Variants in BRD3 observed in about 807,000 individuals in gnomAD.
The protein encoded by BRD3 is bromodomain containing 3.
Under a neutral mutation model 66.8 loss-of-function variants are expected in BRD3, and 17 were observed. That is an observed-to-expected ratio of 0.25 (90% CI 0.17 to 0.38). BRD3 has a LOEUF of 0.38. BRD3 is among the 10% of genes least tolerant of loss of function. BRD3 has a pLI of 1.00. For missense variants in BRD3, 713 were observed against 956.1 expected, an observed-to-expected ratio of 0.75 and a Z score of 3.35; for synonymous variants, 421 against 393.2, an observed-to-expected ratio of 1.07 and a Z score of -0.84.
Position 134,031,351 on chromosome 9 carries a change from C to T in BRD3, c.*2239G>A, listed in dbSNP as rs1279929159. 2 of 208,220 alleles carry T rather than the reference C, an allele frequency of 9.6e-6. No individual in the cohort carries two copies. Among genetic ancestry groups the T allele is most frequent in the Non-Finnish European group, 2.0e-5 (2 of 102,168 alleles). The allele number at this position is 208,220 out of a possible 1,614,324, so 12.9% of individuals were successfully genotyped here. Reference sequence around the variant, plus strand: ...GGAGCGCCCCCCAGCCCCAGGCACCCCCGGCTTAGGGTGTACGTATCACCC... The same window carrying T: ...GGAGCGCCCCCCAGCCCCAGGCACCTCCGGCTTAGGGTGTACGTATCACCC... On this transcript the variant is annotated 3_prime_UTR_variant, in exon 12 of 12. Coordinates refer to ENST00000303407, the MANE Select transcript of BRD3 (RefSeq NM_007371.4).
At position 134,045,417 on chromosome 9, in the gene BRD3, T is replaced by G; in HGVS notation, c.1091A>C (p.Lys364Thr). The change falls in exon 7 of 12, where the codon AAG (lysine) becomes ACG (threonine). Residue 364 changes from lysine to threonine, a missense_variant. This residue lies in a region of BRD3 where 418 missense variants were observed against 609.3 expected (regional missense o/e 0.69). Coordinates refer to ENST00000303407, the MANE Select transcript of BRD3 (RefSeq NM_007371.4). This position sits in a 1 kb window ranked among gnomAD's most constrained non-coding sequence, Gnocchi z 4.8. ...HPMDLSTVKRKMDGREYPDAQ... is the reference protein window; with the variant it reads ...HPMDLSTVKRTMDGREYPDAQ... ...GTCTGGGTACTCTCGGCCATCCATC[T>G]TCCTCTGCAACACACAGTGACAGGG... is the stretch of plus-strand genomic sequence containing the variant. 1 of 1,613,458 alleles carries G rather than the reference T, an allele frequency of 6.2e-7. No individual in the cohort carries two copies. The highest frequency in any genetic ancestry group is 8.5e-7 in the Non-Finnish European group (1 of 1,179,946).
chr9:134,050,870 C>A (rs1020400903), intron 4 of BRD3, among the ~76,000 whole-genome samples: 11 of 152,172 alleles, frequency 7.2e-5, no homozygotes, highest in African/African-American at 2.7e-4. Flanking sequence ...GCCTGGCAGT[C>A]AAGGGCCACC....
At position 134,032,649 on chromosome 9, in the gene BRD3, G is replaced by GT. The variant is rs1588267984; in HGVS notation, c.*940dup. The GT allele has an allele frequency of 4.4e-6, 1 of 226,908 alleles. No individual in the cohort carries two copies. The highest frequency in any genetic ancestry group is 6.3e-5 in the East Asian group (1 of 15,952). The allele number at this position is 226,908 out of a possible 1,614,324, so 14.1% of individuals were successfully genotyped here. On this transcript the variant is annotated 3_prime_UTR_variant, in exon 12 of 12. Transcript: ENST00000303407. The stretch of plus-strand genomic sequence containing the variant: ...ACTGTGTGAATGCATTTCTTCTGCG[G>GT]TTTTTTCTTATTTTCTTTTTTTTAA...
At chr9:134,051,394 GC>G (rs1830291628) in intron 4 of BRD3, among the ~76,000 whole-genome samples, 167 bp downstream of exon 4, 3 of 152,270 alleles carry the variant, frequency 2.0e-5, no homozygotes, top group South Asian at 4.1e-4. Context: ...CGGGCCAGCT[GC>G]CCCTCCAACA....
At chr9:134,056,773 G>A (rs1830435303) in intron 1 of BRD3, 1 of 152,272 alleles carries the variant, frequency 6.6e-6, no homozygotes, top group Non-Finnish European at 1.5e-5. Context: ...GAGTCCCAGT[G>A]GGGAGGGAGG....
chr9:134,051,695 T>G lies in BRD3; in HGVS notation c.366A>C (p.Ile122=). The change falls in exon 4 of 12, where the codon ATA becomes ATC. Residue 122 remains isoleucine, a synonymous_variant. Transcript: ENST00000303407. ...TCTCTAAAGCTTGGGCCATTAGCAC[T>G]ATGTCATCTGTGGGCTGAAGACACA... is the stretch of plus-strand genomic sequence containing the variant. ...CYIYNKPTDD[I]VLMAQALEKI... 2 of 1,591,288 alleles carry G rather than the reference T, an allele frequency of 1.3e-6. No homozygotes were observed. Among genetic ancestry groups the G allele is most frequent in the Non-Finnish European group, 1.7e-6 (2 of 1,172,398 alleles).
chr9:134,062,823 C>T (rs1003798271), intron 1 of BRD3, among the ~76,000 whole-genome samples: 4 of 152,160 alleles, frequency 2.6e-5, no homozygotes, highest in Admixed American at 1.3e-4. Context: ...AGGAGAGCCA[C>T]GACTCAGGCA....
chr9:134,042,316 C>T (rs1221794448), intron 7 of BRD3, among the ~76,000 whole-genome samples: 1 of 152,190 alleles, frequency 6.6e-6, no homozygotes, highest in African/African-American at 2.4e-5. Context: ...TTCCCTTGAG[C>T]TTGGACAGGG....
In BRD3 at chr9:134,030,453, A is replaced by G. The variant is rs1462626319; in HGVS notation, c.*3137T>C. Reference sequence around the variant, plus strand: ...GCCAGCATTGCAATAAACAAGCTAAACTACTTACATTGGACTCATTTTCAG... The same window carrying G: ...GCCAGCATTGCAATAAACAAGCTAAGCTACTTACATTGGACTCATTTTCAG... On this transcript the variant is annotated 3_prime_UTR_variant, in exon 12 of 12. Transcript: ENST00000303407. 5.0e-6 allele frequency: 1 copy of G among 198,676 alleles called. No individual in the cohort carries two copies. The highest frequency in any genetic ancestry group is 1.0e-5 in the Non-Finnish European group (1 of 96,324). 12.3% of individuals were successfully genotyped at this position (198,676 alleles called of 1,614,324 possible).
At chr9:134,039,424 C>T (rs1038615320) in intron 9 of BRD3, among the ~76,000 whole-genome samples, 1 of 152,226 alleles carries the variant, frequency 6.6e-6, no homozygotes, top group Non-Finnish European at 1.5e-5. Context: ...GCTTTGTACC[C>T]GTTGTTCCCT....
chr9:134,041,718 C>T (rs200967579), intron 8 of BRD3, 42 bp downstream of exon 8: 37 of 1,591,032 alleles, frequency 2.3e-5, no homozygotes, highest in South Asian at 9.0e-5. Context: ...CCAGCAATCC[C>T]GCCTCAGCCC....
At chr9:134,034,968 T>C (rs1843577479) in intron 10 of BRD3, 139 bp from the exon 11 acceptor site, 3 of 1,326,678 alleles carry the variant, frequency 2.3e-6, no homozygotes, top group East Asian at 4.6e-5. Flanking sequence ...GTCTGGGAGC[T>C]GACAGATGCA....
intron 11 of BRD3, among the ~76,000 whole-genome samples, chr9:134,034,263 G>A (rs1238905638): frequency 6.6e-6 from 1 of 152,242 alleles, no homozygotes; most frequent in Non-Finnish European, 1.5e-5. Flanking sequence ...TCAAATGCTG[G>A]CTCCCCTGAG....
At chr9:134,042,710 T>C (rs74498766) in intron 7 of BRD3, among the ~76,000 whole-genome samples, 1,921 of 88,788 alleles carry the variant, frequency 0.022, 31 homozygotes, top group African/African-American at 0.037. Context: ...CACATATATA[T>C]ACACATATAT....
In BRD3 at chr9:134,052,415, A is replaced by G; in HGVS notation, c.242T>C (p.Met81Thr). 3 of 1,608,718 alleles carry G rather than the reference A, an allele frequency of 1.9e-6. No homozygotes were observed. Among genetic ancestry groups the G allele is most frequent in the Non-Finnish European group, 2.5e-6 (3 of 1,178,224 alleles). ...TCTCTTCTTAATAGTCCCCATATCC[A>G]TTGGGTTTTTAATTATTTTATGATA... ...PDYHKIIKNP[M>T]DMGTIKKRLE... The change falls in exon 3 of 12, where the codon ATG becomes ACG. Residue 81 changes from methionine to threonine, a missense_variant. By Grantham distance (81) the Met-to-Thr change is moderately conservative (BLOSUM62 -1). This residue lies in a region of BRD3 where 85 missense variants were observed against 152.4 expected (regional missense o/e 0.56). Coordinates refer to ENST00000303407, the MANE Select transcript of BRD3 (RefSeq NM_007371.4).
intron 10 of BRD3, among the ~76,000 whole-genome samples, chr9:134,035,275 C>T (rs1393947584): frequency 6.6e-6 from 1 of 152,200 alleles, no homozygotes; most frequent in South Asian, 2.1e-4. Context: ...CAAGTTGACC[C>T]GGTGACTTAC....
At chr9:134,055,938 C>T (rs1830413736) in intron 1 of BRD3, 1 of 152,496 alleles carries the variant, frequency 6.6e-6, no homozygotes, top group Non-Finnish European at 1.5e-5. Context: ...AAGCCACCCA[C>T]TTCCAACCAC....
At chr9:134,065,982 G>A (rs1048232758) in intron 1 of BRD3, among the ~76,000 whole-genome samples, 1 of 152,128 alleles carries the variant, frequency 6.6e-6, no homozygotes, top group Admixed American at 6.5e-5. Flanking sequence ...CTGTTTGCAA[G>A]TCCCGTCCTT....
Position 134,031,143 on chromosome 9 carries a change from C to A in BRD3, c.*2447G>T. 4.4e-6 allele frequency: 1 copy of A among 227,552 alleles called. No individual in the cohort carries two copies. The highest frequency in any genetic ancestry group is 8.7e-6 in the Non-Finnish European group (1 of 114,536). 14.1% of individuals were successfully genotyped at this position (227,552 alleles called of 1,614,324 possible). ...GCTCAGTGTACCCGCCGTGGGCTGT[C>A]AGGGTCAGTGGCTTCTTTCTAGATG... On this transcript the variant is annotated 3_prime_UTR_variant, in exon 12 of 12. Coordinates refer to ENST00000303407, the MANE Select transcript of BRD3 (RefSeq NM_007371.4).
Sources: allele counts gnomAD v4.1 joint callset (sites outside exome capture counted in the v4.1 genomes callset), GRCh38; gene constraint gnomAD v4.1.1; regional missense constraint gnomAD v4.1.1; non-coding constraint Gnocchi (gnomAD v3.1); transcripts MANE v1.5; gene names NCBI Gene and HGNC (gene_info 2026-07-23, HGNC 2026-07-21).